RUNDC3B: variants seen among roughly 807,000 people sequenced by gnomAD.
The protein encoded by RUNDC3B is RUN domain-containing protein 3B.
In RUNDC3B, 33 loss-of-function variants were observed where a neutral mutation model predicts 58.4. The ratio of observed to expected loss-of-function variants is 0.56; its 90% CI spans 0.43 to 0.75. RUNDC3B has a LOEUF of 0.75. Ranked by LOEUF, RUNDC3B falls within the 30% of genes least tolerant of loss-of-function variation. RUNDC3B has a pLI of 0.00. For missense variants in RUNDC3B, 501 were observed against 535.7 expected, an observed-to-expected ratio of 0.94 and a Z score of 0.64; for synonymous variants, 193 against 195.2, an observed-to-expected ratio of 0.99 and a Z score of 0.10.
At chr7:87,670,348 G>A (rs1825698408) in intron 2 of RUNDC3B, among the ~76,000 whole-genome samples, 1 of 152,230 alleles carries the variant, frequency 6.6e-6, no homozygotes, top group African/African-American at 2.4e-5. Flanking sequence ...TTTTATACCA[G>A]CTATTTCATC....
intron 3 of RUNDC3B, among the ~76,000 whole-genome samples, chr7:87,701,594 AT>A (rs1443616366): frequency 6.6e-6 from 1 of 152,224 alleles, no homozygotes; most frequent in African/African-American, 2.4e-5. Flanking sequence ...AGTAGATTTA[AT>A]GTACTATAGT....
chr7:87,770,638 C>T lies in RUNDC3B; in HGVS notation c.687C>T (p.Ser229=), dbSNP rs141708572. 109 of 1,613,108 alleles carry T rather than the reference C, an allele frequency of 6.8e-5. No individual in the cohort carries two copies. The highest frequency in any genetic ancestry group is 4.8e-4 in the African/African-American group (36 of 74,936). Residue 229 remains serine, a synonymous_variant, in exon 7 of 11, where the codon AGC becomes AGT. Coordinates refer to ENST00000394654, the MANE Select transcript of RUNDC3B (RefSeq NM_001134405.2). The part of the protein sequence containing the change: ...EELRTLGSSG[S]ESSTPENVGP... Reference sequence around the variant, plus strand: ...TAAGGACTTTGGGAAGCAGTGGTAGCGAAAGCAGTACTCCAGAGAATGTCG... The same window carrying T: ...TAAGGACTTTGGGAAGCAGTGGTAGTGAAAGCAGTACTCCAGAGAATGTCG...
At chr7:87,694,725 C>G (rs1828342078) in intron 2 of RUNDC3B, among the ~76,000 whole-genome samples, 1 of 152,044 alleles carries the variant, frequency 6.6e-6, no homozygotes, top group Non-Finnish European at 1.5e-5. Flanking sequence ...TCCACCAGTA[C>G]TTTAAGCCTT....
intron 2 of RUNDC3B, among the ~76,000 whole-genome samples, chr7:87,679,148 A>G (rs1826672154): frequency 7.6e-6 from 1 of 131,178 alleles, no homozygotes; most frequent in South Asian, 2.4e-4. Flanking sequence ...GCTGGAGTGC[A>G]GTGGCGCGAT....
chr7:87,667,125 T>C (rs1209092315), intron 2 of RUNDC3B, among the ~76,000 whole-genome samples: 1 of 152,188 alleles, frequency 6.6e-6, no homozygotes, highest in Non-Finnish European at 1.5e-5. Flanking sequence ...TTCATGAACA[T>C]GGGATGTTTA....
chr7:87,680,250 C>T (rs1826794407), intron 2 of RUNDC3B, among the ~76,000 whole-genome samples: 1 of 150,494 alleles, frequency 6.6e-6, no homozygotes, highest in South Asian at 2.1e-4. Context: ...TGTGTATGTG[C>T]CACATTTTCT....
chr7:87,692,106 G>A (rs1412100159), intron 2 of RUNDC3B, among the ~76,000 whole-genome samples: 1 of 152,042 alleles, frequency 6.6e-6, no homozygotes, highest in Non-Finnish European at 1.5e-5. Context: ...CAGCCAAAAT[G>A]AAAATCAGGG....
chr7:87,786,242 C>T (rs1835208623), intron 8 of RUNDC3B, among the ~76,000 whole-genome samples: 1 of 152,058 alleles, frequency 6.6e-6, no homozygotes, highest in Non-Finnish European at 1.5e-5. Context: ...AGCTCCACTT[C>T]CTCCTTCCAG....
At chr7:87,741,120 G>C (rs189472298) in intron 5 of RUNDC3B, among the ~76,000 whole-genome samples, 1 of 151,750 alleles carries the variant, frequency 6.6e-6, no homozygotes, top group Admixed American at 6.6e-5. Context: ...CAGGAGAATC[G>C]CTGGAACCCG....
intron 4 of RUNDC3B, among the ~76,000 whole-genome samples, chr7:87,718,874 A>C (rs1563160527): frequency 6.6e-6 from 1 of 152,148 alleles, no homozygotes; most frequent in Admixed American, 6.6e-5. Context: ...AGTTAGACAA[A>C]ATGAATCATT....
intron 10 of RUNDC3B, among the ~76,000 whole-genome samples, chr7:87,825,044 C>A (rs1837721355): frequency 6.6e-6 from 1 of 151,832 alleles, no homozygotes; most frequent in African/African-American, 2.4e-5. Context: ...ATGGTGAAAC[C>A]CTGTCACTAC....
intron 4 of RUNDC3B, chr7:87,713,186 G>T (rs1830244738): frequency 6.6e-6 from 1 of 152,120 alleles, no homozygotes; most frequent in Non-Finnish European, 1.5e-5. Flanking sequence ...TTCCTGAAGT[G>T]AGTACTCCTA....
chr7:87,829,956 A>T lies in RUNDC3B; in HGVS notation c.1297A>T (p.Thr433Ser). 1 of 1,609,630 alleles carries T rather than the reference A, an allele frequency of 6.2e-7. No homozygotes were observed. Residue 433 changes from threonine (T) to serine (S), a missense_variant, in exon 11 of 11, where the codon ACA becomes TCA. Physicochemically the swap from Thr to Ser is moderately conservative, Grantham distance 58. Coordinates refer to ENST00000394654, the MANE Select transcript of RUNDC3B (RefSeq NM_001134405.2). ...GTCAGTGGCAAGTTACAAGTCTCTA[A>T]CAAGCTTAAAATCTAATGACTACCT... ...LTSVASYKSL[T>S]SLKSNDYLAS...
intron 6 of RUNDC3B, among the ~76,000 whole-genome samples, chr7:87,758,365 C>A (rs930033161): frequency 1.3e-5 from 2 of 151,944 alleles, no homozygotes; most frequent in African/African-American, 4.8e-5. Flanking sequence ...AACCGAACAC[C>A]TGGAACTCTG....
intron 8 of RUNDC3B, among the ~76,000 whole-genome samples, chr7:87,785,296 C>T (rs1018427468): frequency 6.6e-6 from 1 of 152,032 alleles, no homozygotes. Context: ...TGAACCCTTC[C>T]CAGGCTGGTC....
At chr7:87,819,368 A>G (rs952528389) in intron 10 of RUNDC3B, among the ~76,000 whole-genome samples, 1 of 152,156 alleles carries the variant, frequency 6.6e-6, no homozygotes, top group African/African-American at 2.4e-5. Context: ...CCAATACAGG[A>G]GCACCCAGAT....
Position 87,697,249 on chromosome 7 carries a change from A to C in RUNDC3B, c.239-3172A>C, listed in dbSNP as rs28381732. ...TTGCCATTGGCTAATACAATGTTGT[A>C]TTTTCCCTTGCCTATTTCTCTGACT... On this transcript the variant is annotated intron_variant, in intron 2 of 10. Coordinates refer to ENST00000394654, the MANE Select transcript of RUNDC3B (RefSeq NM_001134405.2). Among the ~76,000 whole-genome samples the C allele has an allele frequency of 9.7e-4, 147 of 152,212 alleles. 2 individuals are homozygous for C. Among genetic ancestry groups the C allele is most frequent in the African/African-American group, 3.5e-3 (144 of 41,528 alleles).
At chr7:87,739,999 A>T in intron 5 of RUNDC3B, 119 bp downstream of exon 5, 1 of 454,960 alleles carries the variant, frequency 2.2e-6, no homozygotes, top group East Asian at 3.4e-5. Context: ...TATTTGATTC[A>T]TGTTGTTCTC....
intron 1 of RUNDC3B, among the ~76,000 whole-genome samples, chr7:87,629,642 A>T (rs921929696): frequency 6.6e-6 from 1 of 152,230 alleles, no homozygotes; most frequent in East Asian, 1.9e-4. Flanking sequence ...AATAATTACT[A>T]TTGGGCCGGG....
Sources: allele counts gnomAD v4.1 joint callset (sites outside exome capture counted in the v4.1 genomes callset), GRCh38; gene constraint gnomAD v4.1.1; transcripts MANE v1.5; gene names NCBI Gene and HGNC (gene_info 2026-07-23, HGNC 2026-07-21).